Variants in CSMD1 observed in about 807,000 individuals in gnomAD.
CSMD1 encodes the protein CUB and Sushi multiple domains 1.
CSMD1 carries 213 observed loss-of-function variants against 417.5 expected under a neutral mutation model. The ratio of observed to expected loss-of-function variants is 0.51; its 90% CI spans 0.46 to 0.57. The LOEUF (loss-of-function observed/expected upper bound fraction) is 0.57. CSMD1 is among the 20% of genes least tolerant of loss of function. CSMD1 has a pLI of 0.00. For missense variants in CSMD1, 6,923 were observed against 4,529.7 expected (o/e 1.53, Z -15.17); for synonymous variants, 2,862 against 1,736.8 (o/e 1.65, Z -16.11).
chr8:3,747,761 T>G (rs146044367), intron 6 of CSMD1, among the ~76,000 whole-genome samples: 1 of 152,200 alleles, frequency 6.6e-6, no homozygotes. Flanking sequence ...AACGGTCGTA[T>G]CAATTCAGAT....
Position 3,616,766 on chromosome 8 carries a change from G to A in CSMD1, c.1041C>T (p.Asp347=). 1 of 1,612,374 alleles carries A rather than the reference G, an allele frequency of 6.2e-7. No individual in the cohort carries two copies. Among genetic ancestry groups the A allele is most frequent in the Non-Finnish European group, 8.5e-7 (1 of 1,179,092 alleles). Residue 347 remains aspartate, a synonymous_variant, in exon 8 of 70, where the codon GAC becomes GAT. Transcript: ENST00000635120. The part of the protein sequence containing the change: ...LSQGGVALVS[D]MCPDPGIPEN... ...CTGGAATCCCAGGATCTGGACACAT[G>A]TCAGAGACCAATGCAACACCTCCTT...
intron 3 of CSMD1, among the ~76,000 whole-genome samples, chr8:4,122,837 T>A (rs945482651): frequency 6.6e-6 from 1 of 152,000 alleles, no homozygotes; most frequent in Admixed American, 6.6e-5. Flanking sequence ...TGTAACAGAG[T>A]TCACAGAGAA....
intron 18 of CSMD1, among the ~76,000 whole-genome samples, 180 bp downstream of exon 18, chr8:3,387,314 G>T (rs901258770): frequency 7.9e-5 from 12 of 152,126 alleles, no homozygotes; most frequent in Admixed American, 7.9e-4. Context: ...GTACATACAC[G>T]GTGGTAGGTA....
chr8:3,749,663 A>G (rs1797230698), intron 6 of CSMD1, among the ~76,000 whole-genome samples: 1 of 152,202 alleles, frequency 6.6e-6, no homozygotes, highest in Non-Finnish European at 1.5e-5. Flanking sequence ...CTGGAAAACA[A>G]AGAAGTTTCT....
chr8:4,220,853 T>C (rs971920383), intron 3 of CSMD1, among the ~76,000 whole-genome samples: 8 of 152,046 alleles, frequency 5.3e-5, no homozygotes, highest in Admixed American at 1.3e-4. Flanking sequence ...AGAGGAAAAG[T>C]AGCTTGGGGT....
chr8:3,385,932 T>C (rs1810977276), intron 18 of CSMD1, among the ~76,000 whole-genome samples: 1 of 152,124 alleles, frequency 6.6e-6, no homozygotes, highest in Non-Finnish European at 1.5e-5. Flanking sequence ...ACTAGGTAAT[T>C]TCTGCCACCA....
At chr8:4,227,281 C>T (rs1801416921) in intron 3 of CSMD1, among the ~76,000 whole-genome samples, 1 of 152,128 alleles carries the variant, frequency 6.6e-6, no homozygotes, top group African/African-American at 2.4e-5. Context: ...GACCACATAT[C>T]CCCTCGGTCT....
At chr8:4,371,508 G>C (rs559545052) in intron 3 of CSMD1, among the ~76,000 whole-genome samples, 2 of 152,126 alleles carry the variant, frequency 1.3e-5, no homozygotes, top group Admixed American at 6.6e-5. Flanking sequence ...TTAGATATGG[G>C]ATATTCCCTT....
chr8:4,429,386 T>C (rs1375114070), intron 2 of CSMD1, among the ~76,000 whole-genome samples: 2 of 152,092 alleles, frequency 1.3e-5, no homozygotes, highest in African/African-American at 4.8e-5. Context: ...CATCTACATA[T>C]ACAAACTATA....
At chr8:4,952,076 G>A (rs1808789981) in intron 1 of CSMD1, among the ~76,000 whole-genome samples, 1 of 151,436 alleles carries the variant, frequency 6.6e-6, no homozygotes, top group Admixed American at 6.6e-5. Flanking sequence ...AAGCAAATAT[G>A]CTGCTATATT....
At chr8:4,967,917 A>C (rs1809985704) in intron 1 of CSMD1, among the ~76,000 whole-genome samples, 1 of 152,174 alleles carries the variant, frequency 6.6e-6, no homozygotes, top group South Asian at 2.1e-4. Flanking sequence ...GAACATTTGA[A>C]ACTTTCCAAA....
chr8:3,815,151 T>A (rs758793851), intron 5 of CSMD1, among the ~76,000 whole-genome samples: 6 of 152,188 alleles, frequency 3.9e-5, no homozygotes, highest in Non-Finnish European at 8.8e-5. Context: ...CTCCCAGATA[T>A]AGGGTGAGAA....
intron 3 of CSMD1, among the ~76,000 whole-genome samples, chr8:4,405,233 A>G (rs189756159): frequency 9.8e-5 from 15 of 152,370 alleles, no homozygotes; most frequent in Admixed American, 2.6e-4. Context: ...TTTTGCATCA[A>G]TGGAAATGCT....
chr8:4,829,695 A>G (rs529922030), intron 1 of CSMD1, among the ~76,000 whole-genome samples: 1 of 146,678 alleles, frequency 6.8e-6, no homozygotes, highest in East Asian at 2.0e-4. Context: ...ACATCTTTGC[A>G]CCTCTGCACT....
At chr8:4,390,697 T>C (rs1329564712) in intron 3 of CSMD1, among the ~76,000 whole-genome samples, 1 of 151,582 alleles carries the variant, frequency 6.6e-6, no homozygotes, top group Non-Finnish European at 1.5e-5. Context: ...GTATTTTCAG[T>C]AGAGACGGGG....
chr8:3,684,910 T>A (rs73183364), intron 7 of CSMD1, among the ~76,000 whole-genome samples: 1 of 152,166 alleles, frequency 6.6e-6, no homozygotes, highest in Admixed American at 6.5e-5. Flanking sequence ...AAATTTGTAA[T>A]GATGCCGGGA....
At chr8:4,994,282 G>T in intron 1 of CSMD1, 50 bp downstream of exon 1, 1 of 1,544,842 alleles carries the variant, frequency 6.5e-7, no homozygotes, top group Non-Finnish European at 8.9e-7. Flanking sequence ...CCGCACACGG[G>T]GCCTCCGAGG....
chr8:4,009,872 C>G lies in CSMD1; in HGVS notation c.611-11762G>C, dbSNP rs953976055. 8.5e-5 allele frequency among the ~76,000 whole-genome samples: 13 copies of G among 152,146 alleles called. No individual in the cohort carries two copies. The East Asian group carries it at 1.7e-3, about 20-fold the overall frequency. On this transcript the variant is annotated intron_variant, in intron 4 of 69. Transcript: ENST00000635120. ...CCTGAGGCCATTAAGAGGGTACTCT[C>G]GTACATCCTTTGTCTTCCTTTACAA...
chr8:2,969,741 A>T (rs1804275728), intron 57 of CSMD1, among the ~76,000 whole-genome samples: 1 of 152,200 alleles, frequency 6.6e-6, no homozygotes, highest in Non-Finnish European at 1.5e-5. Flanking sequence ...ATTTGGACCT[A>T]TGATAACAAA....
Sources: gnomAD v4.1 joint callset for allele counts (sites outside exome capture counted in the v4.1 genomes callset) on GRCh38, gnomAD v4.1.1 for gene constraint, MANE v1.5 for transcripts, NCBI Gene and HGNC (gene_info 2026-07-23, HGNC 2026-07-21) for gene names.